PLCXD2: variants seen among roughly 807,000 people sequenced by gnomAD.
PLCXD2 encodes the protein PI-PLC X domain-containing protein 2.
PLCXD2 carries 21 observed loss-of-function variants against 28.6 expected under a neutral mutation model. The ratio of observed to expected loss-of-function variants is 0.73; its 90% CI spans 0.52 to 1.06. PLCXD2 has a LOEUF of 1.06. Ranked by LOEUF, PLCXD2 falls within the 50% of genes least tolerant of loss-of-function variation. The probability of loss-of-function intolerance (pLI) is 0.00; values close to 1 mark genes in which losing one functional copy is unlikely to be tolerated. For missense variants in PLCXD2, 369 were observed against 376.7 expected (o/e 0.98, Z 0.17); for synonymous variants, 140 against 150.1 (o/e 0.93, Z 0.49).
chr3:111,683,932 AG>A (rs1229638872), intron 1 of PLCXD2, among the ~76,000 whole-genome samples: 2 of 152,144 alleles, frequency 1.3e-5, no homozygotes, highest in African/African-American at 4.8e-5. Context: ...TCTTGAAGAG[AG>A]GGAATGGCCC....
intron 3 of PLCXD2, chr3:111,721,492 G>C (rs1941345527): frequency 1.3e-5 from 2 of 152,120 alleles, no homozygotes; most frequent in Admixed American, 6.5e-5. Flanking sequence ...CTGGTAACTG[G>C]TCACCTCATT....
chr3:111,713,375 T>G (rs1941227365), intron 2 of PLCXD2, among the ~76,000 whole-genome samples: 1 of 152,254 alleles, frequency 6.6e-6, no homozygotes, highest in South Asian at 2.1e-4. Flanking sequence ...TGCCTGATTT[T>G]TATCTCCCTA....
At chr3:111,681,387 C>T (rs1288312993) in intron 1 of PLCXD2, among the ~76,000 whole-genome samples, 4 of 152,186 alleles carry the variant, frequency 2.6e-5, no homozygotes, top group East Asian at 1.9e-4. Context: ...TTTTTCTGCT[C>T]TCCTCATTTC....
chr3:111,702,209 G>A (rs1941053625), intron 1 of PLCXD2, among the ~76,000 whole-genome samples: 2 of 152,080 alleles, frequency 1.3e-5, no homozygotes, highest in African/African-American at 2.4e-5. Flanking sequence ...AGGAAGGATG[G>A]GAACACCCAG....
At chr3:111,699,639 A>C (rs1941012573) in intron 1 of PLCXD2, among the ~76,000 whole-genome samples, 1 of 152,162 alleles carries the variant, frequency 6.6e-6, no homozygotes, top group South Asian at 2.1e-4. Context: ...CTGAGTAAAA[A>C]TCTTGCTAAC....
intron 1 of PLCXD2, among the ~76,000 whole-genome samples, chr3:111,706,672 T>C (rs1039558220): frequency 2.7e-5 from 4 of 150,826 alleles, no homozygotes; most frequent in African/African-American, 9.8e-5. Flanking sequence ...CACAACTATA[T>C]ACTGCCCACA....
chr3:111,697,923 T>C (rs1940985448), intron 1 of PLCXD2, among the ~76,000 whole-genome samples: 1 of 152,200 alleles, frequency 6.6e-6, no homozygotes, highest in Non-Finnish European at 1.5e-5. Context: ...CCAATTTGAA[T>C]TTCAACTGTA....
chr3:111,722,177 G>T (rs2107877369), intron 3 of PLCXD2: 1 of 83,978 alleles, frequency 1.2e-5, no homozygotes, highest in East Asian at 3.8e-4. Flanking sequence ...GCCCTCTTGT[G>T]TTTTGATTTA....
intron 1 of PLCXD2, among the ~76,000 whole-genome samples, chr3:111,705,782 G>A (rs1335637662): frequency 1.3e-5 from 2 of 151,902 alleles, no homozygotes; most frequent in South Asian, 2.1e-4. Flanking sequence ...TGCTTCCTAT[G>A]TTTGTTTACT....
chr3:111,711,140 G>T (rs1941194411), intron 2 of PLCXD2, among the ~76,000 whole-genome samples: 2 of 152,154 alleles, frequency 1.3e-5, no homozygotes, highest in African/African-American at 4.8e-5. Context: ...GGGTGCGGTG[G>T]TTCATGCCTG....
chr3:111,715,424 G>T (rs1395650095), intron 3 of PLCXD2, among the ~76,000 whole-genome samples: 1 of 152,140 alleles, frequency 6.6e-6, no homozygotes, highest in Non-Finnish European at 1.5e-5. Context: ...TATACTGTCT[G>T]CTGTCAAGGA....
At chr3:111,697,769 A>G (rs1940983353) in intron 1 of PLCXD2, among the ~76,000 whole-genome samples, 2 of 152,168 alleles carry the variant, frequency 1.3e-5, no homozygotes, top group Admixed American at 1.3e-4. Context: ...ATCTAATTTT[A>G]TGTTGTTAAA....
chr3:111,699,703 T>C (rs549485882), intron 1 of PLCXD2, among the ~76,000 whole-genome samples: 1 of 152,190 alleles, frequency 6.6e-6, no homozygotes, highest in Non-Finnish European at 1.5e-5. Context: ...CACAGGGACT[T>C]GATTCTGAGC....
intron 1 of PLCXD2, among the ~76,000 whole-genome samples, chr3:111,687,545 T>G (rs1940812315): frequency 6.6e-6 from 1 of 152,224 alleles, no homozygotes; most frequent in Admixed American, 6.5e-5. Context: ...CATATTAAAT[T>G]TATTGTAATA....
chr3:111,709,091 G>GA (rs372466061), intron 2 of PLCXD2, among the ~76,000 whole-genome samples: 14,101 of 53,444 alleles, frequency 0.26, 1,081 homozygotes, highest in East Asian at 0.56. Flanking sequence ...TACACTCTCT[G>GA]GAAAAAAAAA....
chr3:111,719,939 G>C (rs1244727920), intron 3 of PLCXD2, among the ~76,000 whole-genome samples: 1 of 152,214 alleles, frequency 6.6e-6, no homozygotes, highest in East Asian at 1.9e-4. Context: ...TTGAACTCCA[G>C]TTAATCATAT....
intron 2 of PLCXD2, among the ~76,000 whole-genome samples, chr3:111,712,046 G>T (rs1941205994): frequency 6.6e-6 from 1 of 152,064 alleles, no homozygotes; most frequent in Non-Finnish European, 1.5e-5. Flanking sequence ...CAGAGGTTGG[G>T]GGGAGAGGGA....
At chr3:111,688,099 T>C (rs1251687908) in intron 1 of PLCXD2, among the ~76,000 whole-genome samples, 1 of 152,144 alleles carries the variant, frequency 6.6e-6, no homozygotes, top group Non-Finnish European at 1.5e-5. Flanking sequence ...TGACCTTGAG[T>C]AAAAAGCTTT....
chr3:111,723,163 C>G (rs901145439), intron 3 of PLCXD2: 1 of 151,958 alleles, frequency 6.6e-6, no homozygotes. Flanking sequence ...AGATCATTTC[C>G]CCACTTTTTA....
Sources: allele counts gnomAD v4.1 joint callset (sites outside exome capture counted in the v4.1 genomes callset), GRCh38; gene constraint gnomAD v4.1.1; transcripts MANE v1.5; gene names NCBI Gene and HGNC (gene_info 2026-07-23, HGNC 2026-07-21).